The following NR1H4 variants were observed in gnomAD, a reference collection of about 807,000 sequenced individuals.
NR1H4 encodes the protein bile acid receptor.
In NR1H4, 23 loss-of-function variants were observed where a neutral mutation model predicts 58.5. The ratio of observed to expected loss-of-function variants is 0.39; its 90% CI spans 0.28 to 0.56. The LOEUF (loss-of-function observed/expected upper bound fraction) is 0.56. Ranked by LOEUF, NR1H4 falls within the 20% of genes least tolerant of loss-of-function variation. The probability of loss-of-function intolerance (pLI) is 0.58; values close to 1 mark genes in which losing one functional copy is unlikely to be tolerated. For missense variants in NR1H4, 487 were observed against 576.9 expected (o/e 0.84, Z 1.60); for synonymous variants, 214 against 198.0 (o/e 1.08, Z -0.68).
chr12:100,555,255 T>G (rs1955296046), intron 9 of NR1H4, among the ~76,000 whole-genome samples: 1 of 152,228 alleles, frequency 6.6e-6, no homozygotes, highest in African/African-American at 2.4e-5. Flanking sequence ...TAGCCATAAA[T>G]TATTATTTTA....
rs1954721988 is a variant in NR1H4, at chr12:100,532,630, A to G, written c.598+20A>G. The G allele has an allele frequency of 6.2e-7, 1 of 1,611,110 alleles. No homozygotes were observed. Among genetic ancestry groups the G allele is most frequent in the South Asian group, 1.1e-5 (1 of 90,910 alleles). ...ATACAGGTATTCACTTCAAGCAATT[A>G]CATTTCACTAAAAATCTCTTAAGGA... is the stretch of plus-strand genomic sequence containing the variant. On this transcript the variant is annotated intron_variant, in intron 5 of 10. Coordinates refer to ENST00000392986, the MANE Select transcript of NR1H4 (RefSeq NM_001206979.2).
rs563441439 is a variant in NR1H4 at position 100,480,166 on chromosome 12, G to A, written c.-190+6107G>A. 3.3e-5 allele frequency among the ~76,000 whole-genome samples: 5 copies of A among 152,290 alleles called. 1 individual carries two copies. The highest frequency in any genetic ancestry group is 1.2e-4 in the African/African-American group (5 of 41,556). On this transcript the variant is annotated intron_variant, in intron 1 of 10. Transcript: ENST00000392986. ...ATTGGATGAATGAATGTCCCTGCTTGTGCTCCTGATGGCACCTGTGCTTAG... is the reference window on the plus strand; with the variant it reads ...ATTGGATGAATGAATGTCCCTGCTTATGCTCCTGATGGCACCTGTGCTTAG...
In NR1H4 at chr12:100,561,902, A is replaced by G; in HGVS notation, c.1096A>G (p.Ile366Val). 2 of 1,428,998 alleles carry G rather than the reference A, an allele frequency of 1.4e-6. No homozygotes were observed. The highest frequency in any genetic ancestry group is 2.3e-5 in the East Asian group (1 of 43,882). The allele number at this position is 1,428,998 out of a possible 1,614,324, so 88.5% of individuals were successfully genotyped here. A position where few individuals can be genotyped will look rare whatever the true frequency, so the allele number is the denominator to read the frequency against. The change falls in exon 10 of 11, where the codon ATA becomes GTA. Residue 366 changes from isoleucine to valine, a missense_variant. Coordinates refer to ENST00000392986, the MANE Select transcript of NR1H4 (RefSeq NM_001206979.2). ...IRNSGISDEY[I>V]TPMFSFYKSI... ...CCCCACAGGTATCTCTGATGAATAT[A>G]TAACACCTATGTTTAGTTTTTATAA...
intron 3 of NR1H4, among the ~76,000 whole-genome samples, chr12:100,497,252 A>G (rs1165320675): frequency 3.9e-5 from 6 of 152,044 alleles, no homozygotes; most frequent in Admixed American, 3.9e-4. Flanking sequence ...GCACTTCTGG[A>G]CTGTTTTTGA....
chr12:100,490,089 G>A (rs1291522203), intron 1 of NR1H4, among the ~76,000 whole-genome samples: 1 of 152,190 alleles, frequency 6.6e-6, no homozygotes, highest in Non-Finnish European at 1.5e-5. Flanking sequence ...TCTCCAGGAA[G>A]AGCAAGTCAA....
In NR1H4 at chr12:100,536,953, A is replaced by G; in HGVS notation, c.837A>G (p.Lys279=). 6.4e-7 allele frequency: 1 copy of G among 1,555,074 alleles called. No individual in the cohort carries two copies. Among genetic ancestry groups the G allele is most frequent in the Non-Finnish European group, 8.8e-7 (1 of 1,141,488 alleles). ...GTTTTTTTCTTAAAATTTAGTTAAAAGAAGAATTCAGTGCAGAAGAAAATT... is the reference window on the plus strand; with the variant it reads ...GTTTTTTTCTTAAAATTTAGTTAAAGGAAGAATTCAGTGCAGAAGAAAATT... The part of the protein sequence containing the change: ...MPQEITNKIL[K]EEFSAEENFL... Residue 279 remains lysine (K), a synonymous_variant, in exon 8 of 11, where the codon AAA becomes AAG. Coordinates refer to ENST00000392986, the MANE Select transcript of NR1H4 (RefSeq NM_001206979.2).
At chr12:100,554,526 A>G (rs1160944703) in intron 9 of NR1H4, among the ~76,000 whole-genome samples, 2 of 152,144 alleles carry the variant, frequency 1.3e-5, no homozygotes, top group Non-Finnish European at 2.9e-5. Flanking sequence ...ATTCTATCAA[A>G]TGGTTATTCT....
intron 4 of NR1H4, among the ~76,000 whole-genome samples, chr12:100,532,113 G>A (rs905387627): frequency 4.6e-5 from 7 of 152,164 alleles, no homozygotes; most frequent in African/African-American, 1.2e-4. Flanking sequence ...GAGCCCAGGG[G>A]TGAATTGTTT....
intron 3 of NR1H4, among the ~76,000 whole-genome samples, chr12:100,502,011 T>C (rs1247598196): frequency 6.6e-6 from 1 of 152,226 alleles, no homozygotes; most frequent in African/African-American, 2.4e-5. Flanking sequence ...TTATTCCTAT[T>C]CAATAAGCAA....
chr12:100,527,775 C>T (rs1441169785), intron 4 of NR1H4, among the ~76,000 whole-genome samples: 26 of 152,052 alleles, frequency 1.7e-4, no homozygotes, highest in Admixed American at 1.6e-3. Context: ...CGATCGTTTG[C>T]TGAGAATGAT....
rs74649646 is a variant in NR1H4, at chr12:100,495,108, T to C, written c.79+1706T>C. On this transcript the variant is annotated intron_variant, in intron 3 of 10. Coordinates refer to ENST00000392986, the MANE Select transcript of NR1H4 (RefSeq NM_001206979.2). Reference sequence around the variant, plus strand: ...TCAGGTTAGAAGCATCTAAAGATGATTGCTAAGGAAGCACTGTGCCTTCTG... The same window carrying C: ...TCAGGTTAGAAGCATCTAAAGATGACTGCTAAGGAAGCACTGTGCCTTCTG... Among the ~76,000 whole-genome samples the C allele has an allele frequency of 2.2e-3, 329 of 152,328 alleles. 1 individual carries two copies. The highest frequency in any genetic ancestry group is 3.9e-3 in the Non-Finnish European group (263 of 68,028).
rs781183501 is a variant in NR1H4, at chr12:100,536,981, C to A, written c.865C>A (p.Leu289Ile). Reference sequence around the variant, plus strand: ...AGAATTCAGTGCAGAAGAAAATTTTCTCATTTTGACGGAAATGGCAACCAA... The same window carrying A: ...AGAATTCAGTGCAGAAGAAAATTTTATCATTTTGACGGAAATGGCAACCAA... ...KEEFSAEENF[L>I]ILTEMATNHV... Residue 289 changes from leucine to isoleucine, a missense_variant, in exon 8 of 11, where the codon CTC becomes ATC. Leu to Ile is a conservative substitution (Grantham distance 5). Transcript: ENST00000392986. 2 of 1,601,170 alleles carry A rather than the reference C, an allele frequency of 1.2e-6. No individual in the cohort carries two copies. The highest frequency in any genetic ancestry group is 2.3e-5 in the South Asian group (2 of 87,136).
chr12:100,557,979 C>A (rs1593138309), intron 9 of NR1H4, among the ~76,000 whole-genome samples: 1 of 152,112 alleles, frequency 6.6e-6, no homozygotes, highest in South Asian at 2.1e-4. Flanking sequence ...CACCACGATT[C>A]TCCATCCAAT....
At chr12:100,553,030 G>A (rs574086889) in intron 9 of NR1H4, among the ~76,000 whole-genome samples, 217 of 151,512 alleles carry the variant, frequency 1.4e-3, no homozygotes, top group Non-Finnish European at 2.6e-3. Context: ...ACGGAGTCTC[G>A]CTCTGTCACC....
In NR1H4 at chr12:100,532,575, A is replaced by T; in HGVS notation, c.563A>T (p.Lys188Ile). The change falls in exon 5 of 11, where the codon AAA (lysine) becomes ATA (isoleucine). Residue 188 changes from lysine (K) to isoleucine (I), a missense_variant. Physicochemically the swap from Lys to Ile is moderately radical, Grantham distance 102. Coordinates refer to ENST00000392986, the MANE Select transcript of NR1H4 (RefSeq NM_001206979.2). ...KCQECRLRKC[K>I]EMGMLAECMY... ...CAAGAGTGTCGACTAAGGAAATGCA[A>T]AGAGATGGGAATGTTGGCTGAATGT... The T allele has an allele frequency of 1.9e-6, 3 of 1,614,156 alleles. No individual in the cohort carries two copies. Among genetic ancestry groups the T allele is most frequent in the Non-Finnish European group, 2.5e-6 (3 of 1,179,990 alleles).
intron 1 of NR1H4, among the ~76,000 whole-genome samples, chr12:100,484,000 A>AG (rs1490919502): frequency 6.6e-6 from 1 of 151,932 alleles, no homozygotes; most frequent in East Asian, 1.9e-4. Flanking sequence ...AAAAAAAAAA[A>AG]AAAAAGAATG....
chr12:100,555,326 T>C (rs1297390078), intron 9 of NR1H4, among the ~76,000 whole-genome samples: 1 of 152,178 alleles, frequency 6.6e-6, no homozygotes, highest in African/African-American at 2.4e-5. Flanking sequence ...GATTGACATT[T>C]TTTTGAAGAT....
At chr12:100,476,900 A>T (rs532031747) in intron 1 of NR1H4, among the ~76,000 whole-genome samples, 2 of 152,230 alleles carry the variant, frequency 1.3e-5, no homozygotes, top group South Asian at 4.1e-4. Flanking sequence ...ATTTTTTTTA[A>T]AAAATAAGAA....
chr12:100,522,375 G>A (rs943712028), intron 4 of NR1H4, among the ~76,000 whole-genome samples: 2 of 152,094 alleles, frequency 1.3e-5, no homozygotes, highest in South Asian at 4.2e-4. Context: ...ATTGTCATGA[G>A]GATTAAATAA....
Sources: gnomAD v4.1 joint callset for allele counts (sites outside exome capture counted in the v4.1 genomes callset) on GRCh38, gnomAD v4.1.1 for gene constraint, MANE v1.5 for transcripts, NCBI Gene and HGNC (gene_info 2026-07-23, HGNC 2026-07-21) for gene names.